The following PIP variants were observed in gnomAD, a reference collection of about 807,000 sequenced individuals.
PIP encodes prolactin induced protein.
PIP carries 9 observed loss-of-function variants against 12.8 expected under a neutral mutation model. The ratio of observed to expected loss-of-function variants is 0.70; its 90% CI spans 0.42 to 1.23. PIP has a LOEUF of 1.23. Among genes scored for constraint, PIP ranks in the 50% most tolerant of loss-of-function variants. The pLI is 0.00. For synonymous variants in PIP, 60 were observed against 66.1 expected (o/e 0.91, Z 0.45); for missense variants, 172 against 179.5 (o/e 0.96, Z 0.24).
rs1799276883 is a variant in PIP, at chr7:143,134,212, ATATATATATATATATATATATAC to A, written c.96-981_96-959del. 3.1e-5 allele frequency among the ~76,000 whole-genome samples: 4 copies of A among 129,428 alleles called. 1 individual carries two copies. Among genetic ancestry groups the A allele is most frequent in the African/African-American group, 1.2e-4 (4 of 34,744 alleles). 84.9% of individuals were successfully genotyped at this position (129,428 alleles called of 152,430 possible). A position where few individuals can be genotyped will look rare whatever the true frequency, so the allele number is the denominator to read the frequency against. On this transcript the variant is annotated intron_variant, in intron 1 of 3. Transcript: ENST00000291009. ...TATATATATATATATATATATATAT[ATATATATATATATATATATATAC>A]CACAGTTTCTTTATCCACTCGTTGA...
chr7:143,136,818 C>G (rs1001568948), intron 2 of PIP, among the ~76,000 whole-genome samples: 1 of 151,876 alleles, frequency 6.6e-6, no homozygotes, highest in Non-Finnish European at 1.5e-5. Context: ...TTTCAAAACC[C>G]ACCTAAGCAC....
chr7:143,135,160 T>A lies in PIP; in HGVS notation c.96-34T>A, dbSNP rs757815856. On this transcript the variant is annotated intron_variant, in intron 1 of 3. Coordinates refer to ENST00000291009, the MANE Select transcript of PIP (RefSeq NM_002652.3). ...CCCTCACTCAAAGATTGGTCTCTGATCCTGGTGTTCTGATTCTCTCTTCCC... is the reference window on the plus strand; with the variant it reads ...CCCTCACTCAAAGATTGGTCTCTGAACCTGGTGTTCTGATTCTCTCTTCCC... 5 of 1,155,042 alleles carry A rather than the reference T, an allele frequency of 4.3e-6. No homozygotes were observed. The African/African-American group carries it at 7.6e-5, about 18-fold the overall frequency. 71.5% of individuals were successfully genotyped at this position (1,155,042 alleles called of 1,614,324 possible).
chr7:143,139,597 C>A lies in PIP; in HGVS notation c.396C>A (p.Ile132=). Residue 132 remains isoleucine (I), a synonymous_variant, in exon 4 of 4, where the codon ATC becomes ATA. Coordinates refer to ENST00000291009, the MANE Select transcript of PIP (RefSeq NM_002652.3). ...CTGATGATGCTGCTGTAATCCCCAT[C>A]AAAAACAACCGGTTTTATACTATTG... The part of the protein sequence containing the change: ...ICPDDAAVIP[I]KNNRFYTIEI... 6.2e-7 allele frequency: 1 copy of A among 1,612,480 alleles called. No individual in the cohort carries two copies. The highest frequency in any genetic ancestry group is 8.5e-7 in the Non-Finnish European group (1 of 1,178,570).
chr7:143,138,486 A>C (rs913868046), intron 2 of PIP, among the ~76,000 whole-genome samples: 2 of 152,114 alleles, frequency 1.3e-5, no homozygotes, highest in Admixed American at 1.3e-4. Flanking sequence ...AAAGCACTCA[A>C]GTTAAAAAGA....
chr7:143,136,776 A>G (rs1404156257), intron 2 of PIP, among the ~76,000 whole-genome samples: 1 of 152,044 alleles, frequency 6.6e-6, no homozygotes, highest in African/African-American at 2.4e-5. Context: ...TGCTTTTAAG[A>G]ATCATGCTAG....
At chr7:143,132,306 C>T in intron 1 of PIP, 95 bp downstream of exon 1, 1 of 1,431,132 alleles carries the variant, frequency 7.0e-7, no homozygotes, top group Non-Finnish European at 9.7e-7. Context: ...GAATTTCTTT[C>T]AACTTCCCAG....
intron 1 of PIP, 76 bp from the exon 2 acceptor site, chr7:143,135,118 C>A (rs1799293382): frequency 4.1e-6 from 3 of 724,684 alleles, no homozygotes; most frequent in South Asian, 1.6e-5. Context: ...GTGCCCCTTG[C>A]CCTGTTCATG....
intron 1 of PIP, among the ~76,000 whole-genome samples, chr7:143,132,596 G>A (rs1799254872): frequency 6.6e-6 from 1 of 152,150 alleles, no homozygotes; most frequent in African/African-American, 2.4e-5. Flanking sequence ...ACAGGTCTGT[G>A]AATTCCAATG....
intron 2 of PIP, 112 bp from the exon 3 acceptor site, chr7:143,138,963 G>T (rs187351582): frequency 2.9e-6 from 2 of 687,486 alleles, no homozygotes; most frequent in African/African-American, 3.5e-5. Context: ...CTTGCCCTAG[G>T]CCCACCTCCA....
At position 143,132,285 on chromosome 7, in the gene PIP, T is replaced by C. The variant is rs949218629; in HGVS notation, c.95+74T>C. 8 of 1,527,024 alleles carry C rather than the reference T, an allele frequency of 5.2e-6. No individual in the cohort carries two copies. In the East Asian group the frequency reaches 1.4e-4, roughly 26 times the overall value. The allele number at this position is 1,527,024 out of a possible 1,614,324, so 94.6% of individuals were successfully genotyped here. The stretch of plus-strand genomic sequence containing the variant: ...CCTCTCCCAGTCTGGAAATTACATA[T>C]CTCTTTCTGAGAATTTCTTTCAACT... On this transcript the variant is annotated intron_variant, in intron 1 of 3. Coordinates refer to ENST00000291009, the MANE Select transcript of PIP (RefSeq NM_002652.3).
rs202155580 is a variant in PIP at position 143,132,237 on chromosome 7, CAA to C, written c.95+33_95+34del. ...GTGAGCCATGCCCTTCTCCTCCCCACAAAAAAAATTGCAGGGAGGGCTCCTCT... is the reference window on the plus strand; with the variant it reads ...GTGAGCCATGCCCTTCTCCTCCCCACAAAAAATTGCAGGGAGGGCTCCTCT... On this transcript the variant is annotated intron_variant, in intron 1 of 3. Coordinates refer to ENST00000291009, the MANE Select transcript of PIP (RefSeq NM_002652.3). 8 of 1,601,142 alleles carry C rather than the reference CAA, an allele frequency of 5.0e-6. 1 individual carries two copies. Among genetic ancestry groups the C allele is most frequent in the Non-Finnish European group, 6.8e-6 (8 of 1,174,410 alleles).
chr7:143,132,205 A>T lies in PIP; in HGVS notation c.89A>T (p.Asp30Val). The change falls in exon 1 of 4, where the codon GAC becomes GTC. Residue 30 changes from aspartate to valine, a missense_variant. By Grantham distance (152) the Asp-to-Val change is radical. Transcript: ENST00000291009. ...CLQLGANKAQ[D>V]NTRKIIIKNF... ...CAGTTGGGGGCCAACAAAGCTCAGGACAACACGTGAGCCATGCCCTTCTCC... is the reference window on the plus strand; with the variant it reads ...CAGTTGGGGGCCAACAAAGCTCAGGTCAACACGTGAGCCATGCCCTTCTCC... 5.0e-6 allele frequency: 8 copies of T among 1,613,528 alleles called. No individual in the cohort carries two copies. The highest frequency in any genetic ancestry group is 6.8e-6 in the Non-Finnish European group (8 of 1,179,528).
Position 143,132,184 on chromosome 7 carries a change from T to G in PIP, c.68T>G (p.Leu23Trp), listed in dbSNP as rs753558319. 29 of 1,613,582 alleles carry G rather than the reference T, an allele frequency of 1.8e-5. No homozygotes were observed. In the Admixed American group the frequency reaches 4.3e-4, roughly 24 times the overall value. Reference sequence around the variant, plus strand: ...CTGCTCCTGGTTCTCTGCCTGCAGTTGGGGGCCAACAAAGCTCAGGACAAC... The same window carrying G: ...CTGCTCCTGGTTCTCTGCCTGCAGTGGGGGGCCAACAAAGCTCAGGACAAC... ...ATLLLVLCLQLGANKAQDNTR... is the reference protein window; with the variant it reads ...ATLLLVLCLQWGANKAQDNTR... The change falls in exon 1 of 4, where the codon TTG becomes TGG. Residue 23 changes from leucine (L) to tryptophan (W), a missense_variant. Leu to Trp is a moderately conservative substitution (Grantham distance 61). Transcript: ENST00000291009.
chr7:143,134,887 G>A (rs1799289960), intron 1 of PIP, among the ~76,000 whole-genome samples: 1 of 151,962 alleles, frequency 6.6e-6, no homozygotes, highest in Non-Finnish European at 1.5e-5. Flanking sequence ...TCTAAATAAT[G>A]ACTTCTTTTC....
chr7:143,134,199 T>C (rs1338515913), intron 1 of PIP, among the ~76,000 whole-genome samples: 3 of 81,960 alleles, frequency 3.7e-5, no homozygotes, highest in Admixed American at 1.1e-4. Context: ...TATATATATA[T>C]ATATATATAT....
intron 2 of PIP, 145 bp from the exon 3 acceptor site, chr7:143,138,930 G>T: frequency 4.9e-6 from 3 of 616,386 alleles, no homozygotes; most frequent in Non-Finnish European, 8.7e-6. Context: ...CTCCTGAAAT[G>T]ATACTACAAC....
chr7:143,137,505 C>T (rs189026185), intron 2 of PIP, among the ~76,000 whole-genome samples: 49 of 152,226 alleles, frequency 3.2e-4, no homozygotes, highest in African/African-American at 1.1e-3. Context: ...TTTGGCAACA[C>T]GTCCCACGTG....
At chr7:143,139,249 A>G in intron 3 of PIP, 60 bp downstream of exon 3, 4 of 1,006,116 alleles carry the variant, frequency 4.0e-6, no homozygotes, top group Non-Finnish European at 6.4e-6. Flanking sequence ...AGGAGAAACT[A>G]TAAACAGAAA....
At chr7:143,132,539 C>T (rs1799254280) in intron 1 of PIP, among the ~76,000 whole-genome samples, 1 of 152,142 alleles carries the variant, frequency 6.6e-6, no homozygotes, top group African/African-American at 2.4e-5. Flanking sequence ...GATTTCTGCT[C>T]AGTAAACTTT....
Sources: allele counts gnomAD v4.1 joint callset (sites outside exome capture counted in the v4.1 genomes callset), GRCh38; gene constraint gnomAD v4.1.1; transcripts MANE v1.5; gene names NCBI Gene and HGNC (gene_info 2026-07-23, HGNC 2026-07-21).